PCDHGA8: variants seen among roughly 807,000 people sequenced by gnomAD.
The protein encoded by PCDHGA8 is protocadherin gamma subfamily A, 8, also known as protocadherin gamma-A8.
PCDHGA8 carries 45 observed loss-of-function variants against 59.2 expected under a neutral mutation model. That is an observed-to-expected ratio of 0.76 (90% confidence interval 0.60 to 0.98). PCDHGA8 has a LOEUF of 0.98. Among genes scored for constraint, PCDHGA8 ranks in the 50% least tolerant of loss-of-function variants. PCDHGA8 has a pLI of 0.00. For missense variants in PCDHGA8, 1,257 were observed against 1,196.2 expected (o/e 1.05, Z -0.75); for synonymous variants, 531 against 519.0 (o/e 1.02, Z -0.32).
intron 1 of PCDHGA8, among the ~76,000 whole-genome samples, chr5:141,461,756 C>T (rs887460069): frequency 6.6e-6 from 1 of 151,832 alleles, no homozygotes; most frequent in Non-Finnish European, 1.5e-5. Flanking sequence ...CAGATTCAAG[C>T]GATTCTCCTG....
At chr5:141,499,013 GA>G (rs2099788463) in intron 2 of PCDHGA8, among the ~76,000 whole-genome samples, 1 of 144,746 alleles carries the variant, frequency 6.9e-6, no homozygotes, top group Non-Finnish European at 1.5e-5. Context: ...AGGAAGGAAG[GA>G]AGGAAGGAAG....
At chr5:141,494,972 C>T (rs1005793988) in intron 2 of PCDHGA8, 107 bp downstream of exon 2, 69 of 1,581,734 alleles carry the variant, frequency 4.4e-5, no homozygotes, top group Non-Finnish European at 5.9e-5. Context: ...TGGCTTCTCC[C>T]TCAGTTTGAG....
At chr5:141,506,247 G>A (rs113270457) in intron 3 of PCDHGA8, among the ~76,000 whole-genome samples, 8,033 of 152,078 alleles carry the variant, frequency 0.053, 470 homozygotes, top group African/African-American at 0.14. Flanking sequence ...TCAGGAGTTC[G>A]AAACCGGCCT....
chr5:141,424,082 C>T (rs2096798510), intron 1 of PCDHGA8: 2 of 957,226 alleles, frequency 2.1e-6, no homozygotes, highest in East Asian at 1.1e-4. Flanking sequence ...TTATATTCCA[C>T]CATTATTTGC....
At chr5:141,416,832 A>T (rs2154546669) in intron 1 of PCDHGA8, 1 of 152,168 alleles carries the variant, frequency 6.6e-6, no homozygotes, top group East Asian at 1.9e-4. Context: ...GTTTCTCAAG[A>T]CCCTTATAAT....
At chr5:141,420,024 C>T (rs2096459407) in intron 1 of PCDHGA8, 1 of 1,614,088 alleles carries the variant, frequency 6.2e-7, no homozygotes, top group Non-Finnish European at 8.5e-7. Context: ...TTCAGCCCTA[C>T]TGCAGGAGAC....
chr5:141,470,911 G>C (rs1208467445), intron 1 of PCDHGA8, among the ~76,000 whole-genome samples: 1 of 151,916 alleles, frequency 6.6e-6, no homozygotes, highest in African/African-American at 2.4e-5. Context: ...AGATGGGACT[G>C]TCCCTATGTT....
intron 1 of PCDHGA8, chr5:141,416,766 T>C (rs906070451): frequency 2.0e-5 from 3 of 152,212 alleles, no homozygotes; most frequent in African/African-American, 7.2e-5. Context: ...GATCTCTTAA[T>C]TTTATTACTA....
At chr5:141,475,512 C>A (rs2099364350) in intron 1 of PCDHGA8, among the ~76,000 whole-genome samples, 2 of 152,326 alleles carry the variant, frequency 1.3e-5, no homozygotes, top group South Asian at 4.1e-4. Context: ...AATGTCTCCA[C>A]GGAAATGCTA....
At chr5:141,475,934 G>T in intron 1 of PCDHGA8, 1 of 665,236 alleles carries the variant, frequency 1.5e-6, no homozygotes, top group Non-Finnish European at 2.5e-6. Context: ...TCGGGCCCCT[G>T]CCCGTCCCCT....
chr5:141,496,276 G>C (rs1189269883), intron 2 of PCDHGA8, among the ~76,000 whole-genome samples: 1 of 152,204 alleles, frequency 6.6e-6, no homozygotes, highest in Admixed American at 6.5e-5. Flanking sequence ...AAGACCTTCA[G>C]TTGGTCTGAG....
At position 141,485,685 on chromosome 5, in the gene PCDHGA8, G is replaced by A; in HGVS notation, c.2425-9122G>A. ...GGGAGCAATTCGATTAGCAGCTATA[G>A]GCTGAGCTCCAATGAACACTTTGCA... On this transcript the variant is annotated intron_variant, in intron 1 of 3. Coordinates refer to ENST00000398604, the MANE Select transcript of PCDHGA8 (RefSeq NM_032088.2). This position sits in a 1 kb window ranked among gnomAD's most constrained non-coding sequence, Gnocchi z 5.7. 1.2e-6 allele frequency: 2 copies of A among 1,614,052 alleles called. No homozygotes were observed. The highest frequency in any genetic ancestry group is 1.3e-5 in the African/African-American group (1 of 75,072).
rs371280575 is a variant in PCDHGA8 at position 141,393,339 on chromosome 5, C to T, written c.526C>T (p.His176Tyr). ...SLQSYQLSPN[H>Y]HFSLDVQTGD... ...CCAGAGCTACCAGCTCAGCCCCAAT[C>T]ACCACTTCTCCCTGGACGTGCAGAC... The change falls in exon 1 of 4, where the codon CAC (histidine) becomes TAC (tyrosine). Residue 176 changes from histidine to tyrosine, a missense_variant. By Grantham distance (83) the His-to-Tyr change is moderately conservative. Coordinates refer to ENST00000398604, the MANE Select transcript of PCDHGA8 (RefSeq NM_032088.2). 109 of 1,613,800 alleles carry T rather than the reference C, an allele frequency of 6.8e-5. No individual in the cohort carries two copies. The highest frequency in any genetic ancestry group is 9.2e-5 in the Non-Finnish European group (109 of 1,179,890).
At chr5:141,464,343 A>T (rs944042669) in intron 1 of PCDHGA8, among the ~76,000 whole-genome samples, 1 of 151,308 alleles carries the variant, frequency 6.6e-6, no homozygotes, top group South Asian at 2.1e-4. Flanking sequence ...ATGACTTGTC[A>T]TTTAGGTAGT....
intron 1 of PCDHGA8, chr5:141,421,938 T>C (rs777643980): frequency 2.9e-5 from 46 of 1,613,346 alleles, no homozygotes; most frequent in Non-Finnish European, 3.5e-5. Context: ...TCGATGTAAA[T>C]GATCACATCC....
chr5:141,464,973 TTC>T (rs2154568681), intron 1 of PCDHGA8, among the ~76,000 whole-genome samples: 1 of 152,092 alleles, frequency 6.6e-6, no homozygotes, highest in East Asian at 1.9e-4. Flanking sequence ...AACTACTGGC[TTC>T]AAGTGATCCT....
At chr5:141,399,663 G>T (rs766997364) in intron 1 of PCDHGA8, 4 of 1,613,506 alleles carry the variant, frequency 2.5e-6, no homozygotes, top group Admixed American at 3.3e-5. Context: ...TGGTGTTCGC[G>T]CAGCGCGCCT....
At chr5:141,478,345 C>T (rs755421316) in intron 1 of PCDHGA8, 3 of 1,613,850 alleles carry the variant, frequency 1.9e-6, no homozygotes, top group East Asian at 4.5e-5. Context: ...CCTCCTTGCA[C>T]GCGGACGCCG....
At chr5:141,449,818 A>G (rs1446661913) in intron 1 of PCDHGA8, among the ~76,000 whole-genome samples, 2 of 151,708 alleles carry the variant, frequency 1.3e-5, no homozygotes, top group Non-Finnish European at 2.9e-5. Flanking sequence ...GTATTTCCTA[A>G]CAAGGACATT....
Sources: gnomAD v4.1 joint callset for allele counts (sites outside exome capture counted in the v4.1 genomes callset) on GRCh38, gnomAD v4.1.1 for gene constraint, Gnocchi (gnomAD v3.1) non-coding constraint, MANE v1.5 for transcripts, NCBI Gene and HGNC (gene_info 2026-07-23, HGNC 2026-07-21) for gene names.